Variants in LMNA observed in about 807,000 individuals in gnomAD.
The protein encoded by LMNA is lamin.
In LMNA, 20 loss-of-function variants were observed where a neutral mutation model predicts 70.4. The observed-to-expected ratio is 0.28, with a 90% confidence interval of 0.20 to 0.41. LMNA has a LOEUF of 0.41. Among genes scored for constraint, LMNA ranks in the 10% least tolerant of loss-of-function variants. The probability of loss-of-function intolerance (pLI) is 1.00; values close to 1 mark genes in which losing one functional copy is unlikely to be tolerated. For synonymous variants in LMNA, 339 were observed against 372.8 expected (o/e 0.91, Z 1.04); for missense variants, 652 against 917.2 (o/e 0.71, Z 3.73).
Position 156,115,213 on chromosome 1 carries a change from C to A in LMNA, c.295C>A (p.Arg99Ser), listed in dbSNP as rs886045364. Residue 99 changes from arginine to serine, a missense_variant, in exon 1 of 12, where the codon CGC becomes AGC. Physicochemically the swap from Arg to Ser is moderately radical, Grantham distance 110. Transcript: ENST00000368300. This position sits in a 1 kb window ranked among gnomAD's most constrained non-coding sequence, Gnocchi z 5.8. ...GACCCTTGACTCAGTAGCCAAGGAG[C>A]GCGCCCGCCTGCAGCTGGAGCTGAG... Reference protein sequence around the residue: ...RKTLDSVAKERARLQLELSKV... With the variant: ...RKTLDSVAKESARLQLELSKV... 14 of 1,612,806 alleles carry A rather than the reference C, an allele frequency of 8.7e-6. No homozygotes were observed. Among genetic ancestry groups the A allele is most frequent in the Non-Finnish European group, 9.3e-6 (11 of 1,179,706 alleles).
At chr1:156,086,409 TC>T (rs1648477016) in intron 2 of LMNA, among the ~76,000 whole-genome samples, 2 of 152,038 alleles carry the variant, frequency 1.3e-5, no homozygotes, top group Non-Finnish European at 2.9e-5. Context: ...TCTCTCTCTC[TC>T]TCTCTCTCTC....
rs1276467586 is a variant in LMNA at position 156,139,619 on chromosome 1, G to A, written c.*513G>A. On this transcript the variant is annotated 3_prime_UTR_variant, in exon 12 of 12. Transcript: ENST00000368300. Reference sequence around the variant, plus strand: ...AGAGAGAGAGAGGACAGCTTGAGCCGGGCCCCTGGGCTTGGCCTGCTGTGA... The same window carrying A: ...AGAGAGAGAGAGGACAGCTTGAGCCAGGCCCCTGGGCTTGGCCTGCTGTGA... 8.4e-6 allele frequency: 12 copies of A among 1,430,260 alleles called. No homozygotes were observed. The highest frequency in any genetic ancestry group is 1.5e-5 in the South Asian group (1 of 68,936). The allele number at this position is 1,430,260 out of a possible 1,614,324, so 88.6% of individuals were successfully genotyped here. A position where few individuals can be genotyped will look rare whatever the true frequency, so the allele number is the denominator to read the frequency against.
Position 156,136,162 on chromosome 1 carries a change from C to G in LMNA, c.1157+41C>G. The G allele has an allele frequency of 1.9e-6, 3 of 1,613,056 alleles. No homozygotes were observed. In the South Asian group the frequency reaches 3.3e-5, roughly 18 times the overall value. On this transcript the variant is annotated intron_variant, in intron 6 of 11. Coordinates refer to ENST00000368300, the MANE Select transcript of LMNA (RefSeq NM_170707.4). The surrounding 1 kb of genome is among the most constrained non-coding windows in gnomAD (Gnocchi z 6.1). ...GTCGGGGAGGTGCTGGCAGTGTCCT[C>G]TGGCCGGCAACTGGCCTTGACTAGA... is the stretch of plus-strand genomic sequence containing the variant.
intron 3 of LMNA, among the ~76,000 whole-genome samples, chr1:156,095,029 C>T (rs964567817): frequency 6.6e-5 from 10 of 151,514 alleles, no homozygotes; most frequent in Admixed American, 4.6e-4. Flanking sequence ...TCAAGTGATT[C>T]TCCTGCCTCA....
chr1:156,138,354 C>T lies in LMNA; in HGVS notation c.1699-134C>T. 2.0e-6 allele frequency: 2 copies of T among 1,001,400 alleles called. No individual in the cohort carries two copies. The highest frequency in any genetic ancestry group is 3.1e-5 in the South Asian group (2 of 63,646). The allele number at this position is 1,001,400 out of a possible 1,614,324, so 62.0% of individuals were successfully genotyped here. ...CCCTAGCCTCCCAAACCCCCATTGC[C>T]CGCTGGCTCCTTGGGCACAGAACCA... is the stretch of plus-strand genomic sequence containing the variant. On this transcript the variant is annotated intron_variant, in intron 10 of 11. Transcript: ENST00000368300. This position sits in a 1 kb window ranked among gnomAD's most constrained non-coding sequence, Gnocchi z 5.5.
In LMNA at chr1:156,138,771, G is replaced by T; in HGVS notation, c.1968+14G>T. On this transcript the variant is annotated intron_variant, in intron 11 of 11. Coordinates refer to ENST00000368300, the MANE Select transcript of LMNA (RefSeq NM_170707.4). This position sits in a 1 kb window ranked among gnomAD's most constrained non-coding sequence, Gnocchi z 5.5. Reference sequence around the variant, plus strand: ...CCCCGAACCCAGGTGAGTTGTCTCTGCTTTGTCTCCAAATCCTGCAGGCGG... The same window carrying T: ...CCCCGAACCCAGGTGAGTTGTCTCTTCTTTGTCTCCAAATCCTGCAGGCGG... 1 of 1,613,326 alleles carries T rather than the reference G, an allele frequency of 6.2e-7. No individual in the cohort carries two copies. The highest frequency in any genetic ancestry group is 8.5e-7 in the Non-Finnish European group (1 of 1,180,006).
chr1:156,105,972 C>T (rs929693849), intron 3 of LMNA, among the ~76,000 whole-genome samples: 2 of 151,748 alleles, frequency 1.3e-5, no homozygotes, highest in African/African-American at 4.8e-5. Flanking sequence ...AAACAGAAAA[C>T]AAAAAACAAA....
intron 2 of LMNA, among the ~76,000 whole-genome samples, chr1:156,089,922 C>G (rs1464390072): frequency 2.0e-5 from 3 of 152,072 alleles, no homozygotes; most frequent in Admixed American, 2.0e-4. Flanking sequence ...GTCCAGGAGG[C>G]GGGTGATACT....
chr1:156,088,319 C>T (rs1404343453), intron 2 of LMNA, among the ~76,000 whole-genome samples: 1 of 151,712 alleles, frequency 6.6e-6, no homozygotes, highest in African/African-American at 2.4e-5. Context: ...TTTTTGTTTT[C>T]TTTTTTTTAA....
intron 3 of LMNA, among the ~76,000 whole-genome samples, chr1:156,098,538 C>G (rs1470175297): frequency 6.6e-6 from 1 of 152,182 alleles, no homozygotes; most frequent in African/African-American, 2.4e-5. Flanking sequence ...GAGGTGAGAT[C>G]ATGGGAAAGA....
rs1651931339 is a variant in LMNA at position 156,139,434 on chromosome 1, G to A, written c.*328G>A. On this transcript the variant is annotated 3_prime_UTR_variant, in exon 12 of 12. Coordinates refer to ENST00000368300, the MANE Select transcript of LMNA (RefSeq NM_170707.4). Reference sequence around the variant, plus strand: ...GCTTCCTCTAGAAGCCAAGGGAAAGGGGTGCTTTTATAGAGGCTAGCTTCT... The same window carrying A: ...GCTTCCTCTAGAAGCCAAGGGAAAGAGGTGCTTTTATAGAGGCTAGCTTCT... 3.0e-6 allele frequency: 4 copies of A among 1,348,498 alleles called. No homozygotes were observed. The highest frequency in any genetic ancestry group is 2.8e-4 in the Middle Eastern group (1 of 3,528). 83.5% of individuals were successfully genotyped at this position (1,348,498 alleles called of 1,614,324 possible).
intron 1 of LMNA, among the ~76,000 whole-genome samples, chr1:156,118,033 C>T (rs1337782938): frequency 7.4e-6 from 1 of 135,434 alleles, no homozygotes; most frequent in East Asian, 2.3e-4. Flanking sequence ...CTATGTTGCT[C>T]AGCTGGTTCC....
In LMNA at chr1:156,134,572, T is replaced by C. The variant is rs375779547; in HGVS notation, c.639+44T>C. On this transcript the variant is annotated intron_variant, in intron 3 of 11. Transcript: ENST00000368300. This position sits in a 1 kb window ranked among gnomAD's most constrained non-coding sequence, Gnocchi z 5.3. ...AAGCCAGAGGGCTGGGGCTGGGTGATGACAGACTTGGGCTGGGCTAGGGGG... is the reference window on the plus strand; with the variant it reads ...AAGCCAGAGGGCTGGGGCTGGGTGACGACAGACTTGGGCTGGGCTAGGGGG... The C allele has an allele frequency of 1.9e-6, 3 of 1,612,224 alleles. No homozygotes were observed. Among genetic ancestry groups the C allele is most frequent in the East Asian group, 2.2e-5 (1 of 44,884 alleles).
intron 1 of LMNA, among the ~76,000 whole-genome samples, chr1:156,121,972 A>G (rs1232473465): frequency 6.6e-6 from 1 of 152,118 alleles, no homozygotes; most frequent in Non-Finnish European, 1.5e-5. Flanking sequence ...CCTGGCCAAC[A>G]TGGTGAAACC....
In LMNA at chr1:156,114,847, T is replaced by C; in HGVS notation, c.-72T>C. 1.8e-6 allele frequency: 2 copies of C among 1,092,854 alleles called. No homozygotes were observed. The highest frequency in any genetic ancestry group is 1.6e-5 in the South Asian group (1 of 62,194). 67.7% of individuals were successfully genotyped at this position (1,092,854 alleles called of 1,614,324 possible). On this transcript the variant is annotated 5_prime_UTR_variant, in exon 1 of 12. Coordinates refer to ENST00000368300, the MANE Select transcript of LMNA (RefSeq NM_170707.4). Reference sequence around the variant, plus strand: ...GCGCACTCCGACTCCGAGCAGTCTCTGTCCTTCGACCCGAGCCCCGCGCCC... The same window carrying C: ...GCGCACTCCGACTCCGAGCAGTCTCCGTCCTTCGACCCGAGCCCCGCGCCC...
chr1:156,139,565 A>G lies in LMNA; in HGVS notation c.*459A>G. On this transcript the variant is annotated 3_prime_UTR_variant, in exon 12 of 12. Transcript: ENST00000368300. ...CCAGCCTCCTCTGGACGGCAGGCTC[A>G]CTGCCAGGCCAGCCTCCGAGAGGGA... is the stretch of plus-strand genomic sequence containing the variant. 7.2e-7 allele frequency: 1 copy of G among 1,392,878 alleles called. No individual in the cohort carries two copies. The highest frequency in any genetic ancestry group is 1.5e-5 in the South Asian group (1 of 65,792). The allele number at this position is 1,392,878 out of a possible 1,614,324, so 86.3% of individuals were successfully genotyped here.
chr1:156,096,890 G>T (rs1444540633), intron 3 of LMNA, among the ~76,000 whole-genome samples: 1 of 152,210 alleles, frequency 6.6e-6, no homozygotes, highest in East Asian at 1.9e-4. Flanking sequence ...CAGGAGAGAT[G>T]GGGTCCTGAG....
intron 3 of LMNA, among the ~76,000 whole-genome samples, chr1:156,102,336 C>T (rs1001961093): frequency 4.1e-4 from 63 of 152,256 alleles, no homozygotes; most frequent in African/African-American, 1.5e-3. Context: ...TTCTCTGGGC[C>T]TGGGGTACAG....
rs981647290 is a variant in LMNA, at chr1:156,136,849, G to A, written c.1381-72G>A. ...CAATTGCAGGCAGGCAGAGGGCTGG[G>A]CCTTTGAGCAAGATACACCCAAGAG... On this transcript the variant is annotated intron_variant, in intron 7 of 11. Coordinates refer to ENST00000368300, the MANE Select transcript of LMNA (RefSeq NM_170707.4). This position sits in a 1 kb window ranked among gnomAD's most constrained non-coding sequence, Gnocchi z 6.1. 31 of 1,284,852 alleles carry A rather than the reference G, an allele frequency of 2.4e-5. No homozygotes were observed. The South Asian group carries it at 3.3e-4, about 14-fold the overall frequency. 79.6% of individuals were successfully genotyped at this position (1,284,852 alleles called of 1,614,324 possible).
Sources: gnomAD v4.1 joint callset for allele counts (sites outside exome capture counted in the v4.1 genomes callset) on GRCh38, gnomAD v4.1.1 for gene constraint, Gnocchi (gnomAD v3.1) non-coding constraint, MANE v1.5 for transcripts, NCBI Gene and HGNC (gene_info 2026-07-23, HGNC 2026-07-21) for gene names.